AMMECR1: variants seen among roughly 807,000 people sequenced by gnomAD.
The protein encoded by AMMECR1 is AMMECR nuclear protein 1, also known as nuclear protein AMMECR1.
Under a neutral mutation model 22.5 loss-of-function variants are expected in AMMECR1, and 3 were observed. That is an observed-to-expected ratio of 0.13 (90% CI 0.06 to 0.35). The LOEUF is 0.35. Among genes scored for constraint, AMMECR1 ranks in the 10% least tolerant of loss-of-function variants. The pLI, the probability that AMMECR1 is intolerant of heterozygous loss-of-function variation, is 1.00. For synonymous variants in AMMECR1, 130 were observed against 116.7 expected, an observed-to-expected ratio of 1.11 and a Z score of -0.74; for missense variants, 235 against 278.7, an observed-to-expected ratio of 0.84 and a Z score of 1.12.
chrX:110,254,656 A>G (rs2067701915), intron 2 of AMMECR1, among the ~76,000 whole-genome samples: 1 of 112,020 alleles, frequency 8.9e-6, no homozygotes, highest in South Asian at 3.7e-4. Flanking sequence ...AGAAAGAAAA[A>G]AGAAAAGAAC....
At chrX:110,367,973 A>AATTATTATTATT (rs201193443) in intron 2 of AMMECR1, among the ~76,000 whole-genome samples, 397 of 85,317 alleles carry the variant, frequency 4.7e-3, no homozygotes, top group East Asian at 6.4e-3. Flanking sequence ...AGTGCTGGCT[A>AATTATTATTATT]ATTATTATTA....
At chrX:110,310,328 T>C (rs138961726) in intron 1 of AMMECR1, among the ~76,000 whole-genome samples, 38 of 111,863 alleles carry the variant, frequency 3.4e-4, no homozygotes, top group South Asian at 1.5e-3. Flanking sequence ...CTCTGAATCA[T>C]GTTCAAAGCC....
chrX:110,409,162 G>T (rs921398455), intron 2 of AMMECR1, among the ~76,000 whole-genome samples: 1 of 111,138 alleles, frequency 9.0e-6, no homozygotes, highest in Non-Finnish European at 1.9e-5. Flanking sequence ...CATAGTCGGG[G>T]TATATAAAAC....
At chrX:110,286,150 C>T (rs1449883833) in intron 1 of AMMECR1, among the ~76,000 whole-genome samples, 1 of 111,706 alleles carries the variant, frequency 9.0e-6, no homozygotes, top group African/African-American at 3.3e-5. Flanking sequence ...ACTGGCATAA[C>T]GTCTAACGAA....
chrX:110,264,419 G>T, intron 2 of AMMECR1, 70 bp downstream of exon 2: 2 of 581,613 alleles, frequency 3.4e-6, no homozygotes, highest in Non-Finnish European at 2.8e-6. Context: ...AGGAGTTAAA[G>T]TATCAGATTC....
chrX:110,231,712 C>T (rs2148180856), intron 2 of AMMECR1, among the ~76,000 whole-genome samples: 1 of 111,640 alleles, frequency 9.0e-6, no homozygotes, highest in African/African-American at 3.3e-5. Context: ...TTAAAAGACA[C>T]AGACTGGCAA....
chrX:110,380,882 T>A (rs906490101), intron 2 of AMMECR1, among the ~76,000 whole-genome samples: 2 of 112,515 alleles, frequency 1.8e-5, no homozygotes, highest in Non-Finnish European at 3.8e-5. Context: ...CTGGGATAAC[T>A]GGCATATGCA....
chrX:110,238,384 C>T (rs941644228), intron 2 of AMMECR1, among the ~76,000 whole-genome samples: 1 of 111,756 alleles, frequency 8.9e-6, no homozygotes, highest in Admixed American at 9.5e-5. Context: ...AAATATAGCT[C>T]AAGCCGAGTA....
At chrX:110,417,880 TG>T (rs2068689011) in intron 2 of AMMECR1, among the ~76,000 whole-genome samples, 1 of 112,645 alleles carries the variant, frequency 8.9e-6, no homozygotes, top group Non-Finnish European at 1.9e-5. Flanking sequence ...TGGGAAGTGA[TG>T]GAGTTGGAAT....
chrX:110,244,727 G>A (rs1322510192), intron 2 of AMMECR1, among the ~76,000 whole-genome samples: 1 of 112,090 alleles, frequency 8.9e-6, no homozygotes, highest in East Asian at 2.8e-4. Context: ...CTCGATAAAT[G>A]TGGAATTGAA....
At chrX:110,363,263 G>T (rs1032209092) in intron 2 of AMMECR1, among the ~76,000 whole-genome samples, 1 of 111,732 alleles carries the variant, frequency 8.9e-6, no homozygotes, top group Non-Finnish European at 1.9e-5. Flanking sequence ...CTGTGAATTT[G>T]TGGAGTTTTG....
At chrX:110,322,858 T>C (rs1484347683), upstream of AMMECR1, among the ~76,000 whole-genome samples, 1 of 111,827 alleles carries the variant, frequency 8.9e-6, no homozygotes, top group Non-Finnish European at 1.9e-5. Flanking sequence ...TCTCATTACT[T>C]ACTATTCGGG....
chrX:110,369,427 G>A (rs2068322221), intron 2 of AMMECR1, among the ~76,000 whole-genome samples: 2 of 111,884 alleles, frequency 1.8e-5, no homozygotes, highest in Admixed American at 1.9e-4. Context: ...AGGTGTACAC[G>A]ATACAAAGTG....
chrX:110,210,679 G>A (rs1251230218), intron 3 of AMMECR1, among the ~76,000 whole-genome samples: 2 of 112,072 alleles, frequency 1.8e-5, no homozygotes, highest in Non-Finnish European at 3.8e-5. Context: ...TTACTCTCAC[G>A]AAGGTTGTTA....
chrX:110,402,312 G>A (rs781135197), intron 2 of AMMECR1, among the ~76,000 whole-genome samples: 14 of 113,127 alleles, frequency 1.2e-4, no homozygotes, highest in South Asian at 3.6e-4. Context: ...GCCAGAAACC[G>A]TCATGGTCGG....
chrX:110,197,224 A>G lies in AMMECR1; in HGVS notation c.*1296T>C, dbSNP rs1239630783. The G allele has an allele frequency of 8.9e-6, 1 of 112,331 alleles. No homozygotes were observed. The highest frequency in any genetic ancestry group is 3.2e-5 in the African/African-American group (1 of 30,916). The allele number at this position is 112,331 out of a possible 1,213,427, so 9.3% of individuals were successfully genotyped here. ...ACAGGTGTGACATAACATCTTATCA[A>G]TGTAGTAAATGTGTTTCTATCAAAA... is the stretch of plus-strand genomic sequence containing the variant. On this transcript the variant is annotated 3_prime_UTR_variant, in exon 6 of 6. Transcript: ENST00000262844.
chrX:110,326,688 C>T (rs1267290755), intron 2 of AMMECR1, among the ~76,000 whole-genome samples: 1 of 111,805 alleles, frequency 8.9e-6, no homozygotes, highest in African/African-American at 3.3e-5. Context: ...GTGGATCATT[C>T]GTAGCCATGA....
At chrX:110,231,759 T>G (rs1286539325) in intron 2 of AMMECR1, among the ~76,000 whole-genome samples, 1 of 111,059 alleles carries the variant, frequency 9.0e-6, no homozygotes, top group Non-Finnish European at 1.9e-5. Flanking sequence ...GTGTGCTGTA[T>G]TCAGGAGACC....
intron 3 of AMMECR1, among the ~76,000 whole-genome samples, chrX:110,209,554 T>C (rs190525103): frequency 8.9e-6 from 1 of 112,213 alleles, no homozygotes; most frequent in East Asian, 2.8e-4. Context: ...ACTGGACTGT[T>C]TTTCACGTTT....
Sources: allele counts gnomAD v4.1 joint callset (sites outside exome capture counted in the v4.1 genomes callset), GRCh38; gene constraint gnomAD v4.1.1; transcripts MANE v1.5; gene names NCBI Gene and HGNC (gene_info 2026-07-23, HGNC 2026-07-21).